Variants in COL4A3 observed in about 807,000 individuals in gnomAD.
COL4A3 encodes collagen type IV alpha 3 chain.
In COL4A3, 135 loss-of-function variants were observed where a neutral mutation model predicts 217.4. That is an observed-to-expected ratio of 0.62 (90% CI 0.54 to 0.72). The LOEUF is 0.72. Among genes scored for constraint, COL4A3 ranks in the 30% least tolerant of loss-of-function variants. COL4A3 has a pLI of 0.00. For synonymous variants in COL4A3, 690 were observed against 736.3 expected, an observed-to-expected ratio of 0.94 and a Z score of 1.02; for missense variants, 1,868 against 2,119.9, an observed-to-expected ratio of 0.88 and a Z score of 2.33.
At chr2:227,271,051 GTTCATCA>G (rs1266578422) in intron 25 of COL4A3, 99 bp downstream of exon 25, 11 of 1,052,600 alleles carry the variant, frequency 1.0e-5, no homozygotes, top group Non-Finnish European at 4.4e-6. Flanking sequence ...GCTCAGCACA[GTTCATCA>G]CTCTAACTGC....
chr2:227,293,367 T>C (rs2106227613), intron 38 of COL4A3, 50 bp downstream of exon 38: 1 of 1,592,828 alleles, frequency 6.3e-7, no homozygotes, highest in East Asian at 2.2e-5. Flanking sequence ...ACTCAGAGTA[T>C]AGCCCTCCTG....
intron 1 of COL4A3, among the ~76,000 whole-genome samples, chr2:227,175,761 T>C (rs1431185743): frequency 6.6e-6 from 1 of 152,208 alleles, no homozygotes; most frequent in Non-Finnish European, 1.5e-5. Context: ...ATAATTTTAA[T>C]GTTCATGTTT....
intron 46 of COL4A3, 119 bp from the exon 47 acceptor site, chr2:227,304,855 ACTGAGGATCTT>A: frequency 1.3e-6 from 1 of 764,538 alleles, no homozygotes; most frequent in Non-Finnish European, 2.3e-6. Context: ...CTTGCCCAGG[ACTGAGGATCTT>A]CCCAGGATGC....
chr2:227,284,248 A>G lies in COL4A3; in HGVS notation c.2784A>G (p.Gly928=), dbSNP rs1270858974. Residue 928 remains glycine (G), a synonymous_variant, in exon 34 of 52, where the codon GGA becomes GGG. Coordinates refer to ENST00000396578, the MANE Select transcript of COL4A3 (RefSeq NM_000091.5). ...TTCCAGGAGTAAAGGGCCAGAGAGG[A>G]ACCCCAGGAGCCAAGGGGGAACAAG... ...PGIPGVKGQR[G]TPGAKGEQGD... is the part of the protein sequence containing the mutation. The G allele has an allele frequency of 6.2e-7, 1 of 1,613,960 alleles. No individual in the cohort carries two copies. The highest frequency in any genetic ancestry group is 1.3e-5 in the African/African-American group (1 of 74,922).
chr2:227,294,248 C>A (rs753547680), intron 38 of COL4A3: 1 of 505,966 alleles, frequency 2.0e-6, no homozygotes, highest in Non-Finnish European at 3.5e-6. Context: ...AATAAAATCG[C>A]ATATTGAGTG....
intron 1 of COL4A3, among the ~76,000 whole-genome samples, chr2:227,217,910 T>C (rs1279115197): frequency 6.6e-6 from 1 of 151,000 alleles, no homozygotes; most frequent in East Asian, 1.9e-4. Context: ...TTTTACAAAA[T>C]GCTTCTGCAA....
intron 41 of COL4A3, chr2:227,296,510 T>C: frequency 1.0e-6 from 1 of 982,132 alleles, no homozygotes; most frequent in Non-Finnish European, 1.2e-6. Flanking sequence ...GGAGAAGAGT[T>C]CATTGAGACT....
chr2:227,249,230 A>ATATATATTT, intron 9 of COL4A3, among the ~76,000 whole-genome samples: 9 of 14,692 alleles, frequency 6.1e-4, no homozygotes, highest in East Asian at 2.7e-3. Flanking sequence ...ATATATATAT[A>ATATATATTT]TTTTTTTTTT....
chr2:227,270,825 T>C lies in COL4A3; in HGVS notation c.1631T>C (p.Leu544Pro), dbSNP rs1210299367. 1 of 1,614,144 alleles carries C rather than the reference T, an allele frequency of 6.2e-7. No homozygotes were observed. Among genetic ancestry groups the C allele is most frequent in the Non-Finnish European group, 8.5e-7 (1 of 1,180,032 alleles). ...CTTAAAGGAGAAAAAGGTGAAACAC[T>C]TCAGCCTGAGGGGCAAGTGGGTGTC... ...PGLKGEKGET[L>P]QPEGQVGVPG... The change falls in exon 25 of 52, where the codon CTT becomes CCT. Residue 544 changes from leucine to proline, a missense_variant. By Grantham distance (98) the Leu-to-Pro change is moderately conservative. Coordinates refer to ENST00000396578, the MANE Select transcript of COL4A3 (RefSeq NM_000091.5).
chr2:227,201,386 A>ACG (rs2066679630), intron 1 of COL4A3, among the ~76,000 whole-genome samples: 1 of 150,342 alleles, frequency 6.7e-6, no homozygotes, highest in Non-Finnish European at 1.5e-5. Context: ...AGCCCAACAC[A>ACG]TGTTGGGTAG....
chr2:227,164,762 C>CCTGCTGCCG lies in COL4A3; in HGVS notation c.39_47dup (p.Pro15_Leu17dup), dbSNP rs1476762825. 42 of 1,523,512 alleles carry CCTGCTGCCG rather than the reference C, an allele frequency of 2.8e-5. No homozygotes were observed. The highest frequency in any genetic ancestry group is 3.0e-5 in the Non-Finnish European group (34 of 1,142,880). 94.4% of individuals were successfully genotyped at this position (1,523,512 alleles called of 1,614,324 possible). On this transcript the variant is annotated inframe_insertion, in exon 1 of 52. Transcript: ENST00000396578. This position sits in a 1 kb window ranked among gnomAD's most constrained non-coding sequence, Gnocchi z 4.8. ...GGACCGCCCCCAGGCCGCAGGTGCT[C>CCTGCTGCCG]CTGCTGCCGCTCCTGCTGGTGCTCC...
chr2:227,214,623 A>G (rs535476533), intron 1 of COL4A3, among the ~76,000 whole-genome samples: 2 of 152,284 alleles, frequency 1.3e-5, no homozygotes, highest in Middle Eastern at 3.4e-3. Context: ...CACAGGTCCT[A>G]TTGCTATCTC....
rs757164307 is a variant in COL4A3, at chr2:227,270,947, G to A, written c.1753G>A (p.Glu585Lys). ...GVKGLPGPKG[E>K]LALSGEKGDQ... ...GAAAGGATTACCAGGACCTAAAGGC[G>A]AACTGGTTGGTATTTAGCAACTTTA... Residue 585 changes from glutamate (E) to lysine (K), a missense_variant, in exon 25 of 52, where the codon GAA becomes AAA. This residue lies in a region of COL4A3 where 1,503 missense variants were observed against 1,786.1 expected (regional missense o/e 0.84). Coordinates refer to ENST00000396578, the MANE Select transcript of COL4A3 (RefSeq NM_000091.5). 10 of 1,613,848 alleles carry A rather than the reference G, an allele frequency of 6.2e-6. No homozygotes were observed. In the East Asian group the frequency reaches 6.7e-5, roughly 11 times the overall value.
chr2:227,210,326 C>T (rs750913261), intron 1 of COL4A3, among the ~76,000 whole-genome samples: 8 of 152,216 alleles, frequency 5.3e-5, no homozygotes, highest in Admixed American at 1.3e-4. Context: ...CATGGTGGCT[C>T]ATACCTGTAA....
At chr2:227,310,745 G>C (rs1049809673) in intron 50 of COL4A3, 31 bp from the exon 51 acceptor site, 3 of 1,602,500 alleles carry the variant, frequency 1.9e-6, no homozygotes, top group African/African-American at 1.3e-5. Flanking sequence ...AATGGACAGA[G>C]TGTTTATTCA....
intron 1 of COL4A3, among the ~76,000 whole-genome samples, chr2:227,178,589 G>A (rs1416375128): frequency 6.6e-6 from 1 of 152,070 alleles, no homozygotes; most frequent in Admixed American, 6.5e-5. Context: ...CTGGAGTGTA[G>A]TGGTATCATA....
At chr2:227,295,177 A>T in intron 40 of COL4A3, 92 bp from the exon 41 acceptor site, 1 of 1,510,196 alleles carries the variant, frequency 6.6e-7, no homozygotes, top group Non-Finnish European at 9.2e-7. Context: ...GATTATCTTT[A>T]ACATGTTTTC....
intron 1 of COL4A3, among the ~76,000 whole-genome samples, chr2:227,220,658 G>A (rs186207697): frequency 1.3e-5 from 2 of 151,770 alleles, no homozygotes; most frequent in East Asian, 3.9e-4. Flanking sequence ...TAGAGACAGA[G>A]TCTCACTATG....
chr2:227,246,954 G>A (rs2069387727), intron 7 of COL4A3: 2 of 667,068 alleles, frequency 3.0e-6, no homozygotes, highest in East Asian at 3.0e-5. Flanking sequence ...ACATCCAAGT[G>A]GAGATGCATG....
Sources: allele counts gnomAD v4.1 joint callset (sites outside exome capture counted in the v4.1 genomes callset), GRCh38; gene constraint gnomAD v4.1.1; regional missense constraint gnomAD v4.1.1; non-coding constraint Gnocchi (gnomAD v3.1); transcripts MANE v1.5; gene names NCBI Gene and HGNC (gene_info 2026-07-23, HGNC 2026-07-21).